Variants in KLRD1 observed in about 807,000 individuals in gnomAD.
KLRD1 encodes natural killer cells antigen CD94.
Under a neutral mutation model 22.6 loss-of-function variants are expected in KLRD1, and 21 were observed. The ratio of observed to expected loss-of-function variants is 0.93; its 90% CI spans 0.66 to 1.34. The LOEUF is 1.34. Among genes scored for constraint, KLRD1 ranks in the 40% most tolerant of loss-of-function variants. The pLI is 0.00. For missense variants in KLRD1, 183 were observed against 208.6 expected, an observed-to-expected ratio of 0.88 and a Z score of 0.76; for synonymous variants, 59 against 71.1, an observed-to-expected ratio of 0.83 and a Z score of 0.85.
At chr12:10,259,243 A>T (rs1949426618) in intron 1 of KLRD1, among the ~76,000 whole-genome samples, 1 of 152,178 alleles carries the variant, frequency 6.6e-6, no homozygotes, top group South Asian at 2.1e-4. Flanking sequence ...TGGCTTAATT[A>T]AATATTGTTC....
upstream of KLRD1, among the ~76,000 whole-genome samples, chr12:10,302,450 C>T (rs573944031): frequency 1.3e-5 from 2 of 152,190 alleles, no homozygotes; most frequent in Admixed American, 1.3e-4. Context: ...CAGGTTCTTC[C>T]TGGCCGTTGC....
intron 1 of KLRD1, among the ~76,000 whole-genome samples, chr12:10,280,889 CTA>C (rs1043044514): frequency 3.3e-5 from 5 of 152,090 alleles, no homozygotes; most frequent in Admixed American, 3.3e-4. Flanking sequence ...ATATAATAAA[CTA>C]TGTGTGAATG....
chr12:10,309,581 A>G (rs1220737516), intron 2 of KLRD1, 45 bp from the exon 3 acceptor site: 1 of 1,435,854 alleles, frequency 7.0e-7, no homozygotes, highest in Non-Finnish European at 9.8e-7. Context: ...TTAGTATTTC[A>G]TAAACCCATA....
intron 1 of KLRD1, among the ~76,000 whole-genome samples, chr12:10,260,282 T>C (rs1031513356): frequency 2.6e-5 from 4 of 151,928 alleles, no homozygotes; most frequent in African/African-American, 9.7e-5. Flanking sequence ...GCTTCCATTA[T>C]AATTGTTGCT....
intron 1 of KLRD1, among the ~76,000 whole-genome samples, chr12:10,296,379 G>A (rs1049136238): frequency 6.6e-6 from 1 of 152,096 alleles, no homozygotes; most frequent in African/African-American, 2.4e-5. Context: ...AGCCGGGCGT[G>A]GTGGCGGACA....
intron 1 of KLRD1, among the ~76,000 whole-genome samples, chr12:10,291,044 AT>A (rs1037429722): frequency 1.3e-5 from 2 of 152,104 alleles, no homozygotes; most frequent in African/African-American, 2.4e-5. Context: ...AGTCACATGA[AT>A]TTTTTTTGTT....
At chr12:10,297,692 T>C (rs1949834362) in intron 1 of KLRD1, among the ~76,000 whole-genome samples, 4 of 152,212 alleles carry the variant, frequency 2.6e-5, no homozygotes, top group Admixed American at 2.0e-4. Context: ...TCTTGCTCTC[T>C]TCTAACCAAA....
intron 1 of KLRD1, among the ~76,000 whole-genome samples, chr12:10,243,501 C>T (rs1291818448): frequency 6.7e-6 from 1 of 148,436 alleles, no homozygotes; most frequent in Non-Finnish European, 1.5e-5. Flanking sequence ...ATAATCCCAG[C>T]TACTCAGGAG....
At chr12:10,284,504 T>G (rs563152808) in intron 1 of KLRD1, among the ~76,000 whole-genome samples, 53 of 152,360 alleles carry the variant, frequency 3.5e-4, no homozygotes, top group Non-Finnish European at 7.5e-4. Context: ...TTCCAAAACC[T>G]GAACTTAGCT....
upstream of KLRD1, among the ~76,000 whole-genome samples, chr12:10,304,912 C>G (rs1283510250): frequency 6.6e-6 from 1 of 152,214 alleles, no homozygotes; most frequent in Non-Finnish European, 1.5e-5. Context: ...GGAGCCCTCT[C>G]TCTCTGTTAA....
chr12:10,267,878 A>G (rs1253993250), intron 1 of KLRD1, among the ~76,000 whole-genome samples: 4 of 152,172 alleles, frequency 2.6e-5, no homozygotes, highest in African/African-American at 9.7e-5. Flanking sequence ...CGTTACATTC[A>G]ATGAACTAAA....
At chr12:10,251,922 C>T (rs933892353) in intron 1 of KLRD1, among the ~76,000 whole-genome samples, 5 of 152,116 alleles carry the variant, frequency 3.3e-5, no homozygotes, top group Non-Finnish European at 7.3e-5. Flanking sequence ...ATTCCCTGTT[C>T]ACCTCCTGCT....
At chr12:10,268,428 A>G (rs1206484579) in intron 1 of KLRD1, among the ~76,000 whole-genome samples, 1 of 152,236 alleles carries the variant, frequency 6.6e-6, no homozygotes, top group Non-Finnish European at 1.5e-5. Flanking sequence ...ATCTAAGAAG[A>G]AATGTCAAAT....
In KLRD1 at chr12:10,292,462, G is replaced by A. The variant is rs563193391; in HGVS notation, c.-100-15516G>A. Among the ~76,000 whole-genome samples, 66 of 152,316 alleles carry A rather than the reference G, an allele frequency of 4.3e-4. No homozygotes were observed. The Middle Eastern group carries it at 0.01, about 24-fold the overall frequency. On this transcript the variant is annotated intron_variant, in intron 1 of 5. Coordinates refer to the KLRD1 transcript ENST00000544747. Reference sequence around the variant, plus strand: ...ATATTGTGTTAGCAGGCTTGAAAATGACATGAATTTCTTTGTACGTCTTCA... The same window carrying A: ...ATATTGTGTTAGCAGGCTTGAAAATAACATGAATTTCTTTGTACGTCTTCA...
Position 10,320,919 on chromosome 12 carries a change from T to C in KLRD1, c.*6126T>C, listed in dbSNP as rs11053744. On this transcript the variant is annotated 3_prime_UTR_variant, in exon 6 of 6. Coordinates refer to ENST00000336164, the MANE Select transcript of KLRD1 (RefSeq NM_002262.5). ...AGGTAGAGAGAAGATTGAAGAGATT[T>C]ATGTGTGCGGTTTTTACAAATAGAG... 0.048 allele frequency: 7,241 copies of C among 152,292 alleles called. 228 individuals are homozygous for C. Among genetic ancestry groups the C allele is most frequent in the East Asian group, 0.085 (440 of 5,190 alleles). The allele number at this position is 152,292 out of a possible 1,614,324, so 9.4% of individuals were successfully genotyped here.
chr12:10,248,589 T>TCC (rs1949316167), intron 1 of KLRD1, among the ~76,000 whole-genome samples: 2 of 87,214 alleles, frequency 2.3e-5, no homozygotes, highest in South Asian at 4.7e-4. Context: ...TTCCTTCCCT[T>TCC]CTTTTCTTCT....
chr12:10,295,894 A>T (rs977607155), intron 1 of KLRD1, among the ~76,000 whole-genome samples: 1 of 152,220 alleles, frequency 6.6e-6, no homozygotes, highest in Non-Finnish European at 1.5e-5. Flanking sequence ...ATAAGCAATC[A>T]TAATTCTAAT....
At chr12:10,251,418 C>A (rs1949345375) in intron 1 of KLRD1, among the ~76,000 whole-genome samples, 1 of 152,044 alleles carries the variant, frequency 6.6e-6, no homozygotes. Context: ...AGCCACCATG[C>A]CCAGCCCTTT....
At chr12:10,292,435 G>A (rs1471449138) in intron 1 of KLRD1, among the ~76,000 whole-genome samples, 2 of 152,180 alleles carry the variant, frequency 1.3e-5, no homozygotes, top group African/African-American at 2.4e-5. Flanking sequence ...ACTGCCGAAT[G>A]GATATTGTGT....
Sources: allele counts gnomAD v4.1 joint callset (sites outside exome capture counted in the v4.1 genomes callset), GRCh38; gene constraint gnomAD v4.1.1; transcripts MANE v1.5; gene names NCBI Gene and HGNC (gene_info 2026-07-23, HGNC 2026-07-21).